CHRM3: variants seen among roughly 807,000 people sequenced by gnomAD.
The protein encoded by CHRM3 is muscarinic acetylcholine receptor M3.
CHRM3 carries 11 observed loss-of-function variants against 41.8 expected under a neutral mutation model. The ratio of observed to expected loss-of-function variants is 0.26; its 90% CI spans 0.17 to 0.44. CHRM3 has a LOEUF of 0.44. Ranked by LOEUF, CHRM3 falls within the 20% of genes least tolerant of loss-of-function variation. CHRM3 has a pLI of 1.00. For missense variants in CHRM3, 571 were observed against 745.4 expected, an observed-to-expected ratio of 0.77 and a Z score of 2.72; for synonymous variants, 297 against 301.4, an observed-to-expected ratio of 0.99 and a Z score of 0.15.
chr1:239,774,436 C>G (rs1282577180), intron 5 of CHRM3, among the ~76,000 whole-genome samples: 1 of 151,944 alleles, frequency 6.6e-6, no homozygotes, highest in Non-Finnish European at 1.5e-5. Flanking sequence ...ATTAGTCTTT[C>G]AATGTGGGGA....
intron 4 of CHRM3, among the ~76,000 whole-genome samples, chr1:239,637,107 T>G (rs1483767121): frequency 6.6e-6 from 1 of 152,180 alleles, no homozygotes; most frequent in Non-Finnish European, 1.5e-5. Context: ...TTCAAAGATT[T>G]TAATGAGAAG....
chr1:239,632,103 A>T (rs149972572), intron 3 of CHRM3, 121 bp from the exon 4 acceptor site: 12 of 152,282 alleles, frequency 7.9e-5, no homozygotes, highest in Admixed American at 7.8e-4. Context: ...CAACTCAAAA[A>T]TTCTGTAATT....
chr1:239,524,557 T>C (rs781279879), intron 2 of CHRM3, among the ~76,000 whole-genome samples: 18 of 152,178 alleles, frequency 1.2e-4, no homozygotes, highest in Non-Finnish European at 1.5e-4. Flanking sequence ...TTGTAGAGGT[T>C]TCATTGTTCT....
chr1:239,760,797 A>G (rs1337307152), intron 5 of CHRM3, among the ~76,000 whole-genome samples: 1 of 151,966 alleles, frequency 6.6e-6, no homozygotes, highest in African/African-American at 2.4e-5. Flanking sequence ...TGAAGATTGT[A>G]TTTTTATCCC....
chr1:239,897,543 A>G lies in CHRM3; in HGVS notation c.-19-9890A>G, dbSNP rs192952472. Among the ~76,000 whole-genome samples, 254 of 152,348 alleles carry G rather than the reference A, an allele frequency of 1.7e-3. 1 individual carries two copies. Among genetic ancestry groups the G allele is most frequent in the African/African-American group, 5.9e-3 (244 of 41,572 alleles). Reference sequence around the variant, plus strand: ...TCCTCCACTATAAAGGCACAGTATTAAAAACACATAATAATAAATACCTCT... The same window carrying G: ...TCCTCCACTATAAAGGCACAGTATTGAAAACACATAATAATAAATACCTCT... On this transcript the variant is annotated intron_variant, in intron 6 of 6. Coordinates refer to ENST00000676153, the MANE Select transcript of CHRM3 (RefSeq NM_001375978.1).
Position 239,436,946 on chromosome 1 carries a change from C to T in CHRM3, c.-521+49719C>T, listed in dbSNP as rs367548356. ...GGACACCTCCAGTGAGGTGATCTCT[C>T]GTGGGATTACTAACTCCAGGCCAAC... is the stretch of plus-strand genomic sequence containing the variant. On this transcript the variant is annotated intron_variant, in intron 1 of 6. Transcript: ENST00000676153. 4.6e-5 allele frequency among the ~76,000 whole-genome samples: 7 copies of T among 152,132 alleles called. 1 individual carries two copies. In the South Asian group the frequency reaches 1.2e-3, roughly 27 times the overall value.
At position 239,908,476 on chromosome 1, in the gene CHRM3, C is replaced by T. The variant is rs1402836385; in HGVS notation, c.1025C>T (p.Ala342Val). 1 of 1,610,794 alleles carries T rather than the reference C, an allele frequency of 6.2e-7. No homozygotes were observed. Among genetic ancestry groups the T allele is most frequent in the Non-Finnish European group, 8.5e-7 (1 of 1,178,396 alleles). The stretch of plus-strand genomic sequence containing the variant: ...AGTGACAGTTGGAACAACAATGATG[C>T]TGCTGCCTCCCTGGAGAACTCCGCC... ...SSSDSWNNND[A>V]AASLENSASS... The change falls in exon 7 of 7, where the codon GCT (alanine) becomes GTT (valine). Residue 342 changes from alanine to valine, a missense_variant. Coordinates refer to ENST00000676153, the MANE Select transcript of CHRM3 (RefSeq NM_001375978.1). This position sits in a 1 kb window ranked among gnomAD's most constrained non-coding sequence, Gnocchi z 7.2.
chr1:239,718,588 A>T (rs1272541400), intron 5 of CHRM3, among the ~76,000 whole-genome samples: 1 of 151,810 alleles, frequency 6.6e-6, no homozygotes, highest in Non-Finnish European at 1.5e-5. Flanking sequence ...GCAGTAAAAC[A>T]TTTTCATCAA....
At chr1:239,431,569 CTTTAA>C (rs757957113) in intron 1 of CHRM3, among the ~76,000 whole-genome samples, 9 of 152,104 alleles carry the variant, frequency 5.9e-5, no homozygotes, top group South Asian at 2.1e-4. Flanking sequence ...AAGACAAGAG[CTTTAA>C]TTTAAGTTCC....
chr1:239,568,384 CT>C (rs1661550898), intron 3 of CHRM3, among the ~76,000 whole-genome samples: 1 of 152,254 alleles, frequency 6.6e-6, no homozygotes, highest in South Asian at 2.1e-4. Flanking sequence ...AGGGGAGACC[CT>C]TTTCGCTTGC....
At chr1:239,823,068 T>C (rs943047648) in intron 5 of CHRM3, among the ~76,000 whole-genome samples, 10 of 152,160 alleles carry the variant, frequency 6.6e-5, no homozygotes, top group Admixed American at 6.5e-4. Context: ...AAACCAATGG[T>C]AGACAGTTTA....
rs1401602697 is a variant in CHRM3 at position 239,675,123 on chromosome 1, A to T, written c.-249-3063A>T. ...TCTAGAAACCTGATCTCTCAATAGC[A>T]AGTGCTTAATTAGATTGCAAATCAC... is the stretch of plus-strand genomic sequence containing the variant. On this transcript the variant is annotated intron_variant, in intron 4 of 6. Transcript: ENST00000676153. 2.6e-5 allele frequency among the ~76,000 whole-genome samples: 4 copies of T among 152,160 alleles called. No homozygotes were observed. The East Asian group carries it at 7.7e-4, about 29-fold the overall frequency.
At chr1:239,657,153 C>T (rs546192801) in intron 4 of CHRM3, among the ~76,000 whole-genome samples, 78 of 152,202 alleles carry the variant, frequency 5.1e-4, no homozygotes, top group African/African-American at 1.9e-3. Flanking sequence ...ATGTGCATAC[C>T]ATTTCAAATC....
At position 239,820,053 on chromosome 1, in the gene CHRM3, C is replaced by G. The variant is rs74743616; in HGVS notation, c.-146-7199C>G. ...TCGGTGAGAGCTCCAGGGTAATTCA[C>G]ACAACCTGTTTCCGAACCCTCAAGC... On this transcript the variant is annotated intron_variant, in intron 5 of 6. Transcript: ENST00000676153. 2.6e-3 allele frequency among the ~76,000 whole-genome samples: 401 copies of G among 152,286 alleles called. 5 individuals carry two copies. The East Asian group carries it at 0.037, about 14-fold the overall frequency.
chr1:239,413,865 G>T (rs941092297), intron 1 of CHRM3, among the ~76,000 whole-genome samples: 1 of 152,144 alleles, frequency 6.6e-6, no homozygotes, highest in South Asian at 2.1e-4. Flanking sequence ...ACAGCTAAAT[G>T]TCAGTTTGTT....
intron 1 of CHRM3, among the ~76,000 whole-genome samples, chr1:239,471,681 G>A (rs1213530898): frequency 6.6e-6 from 1 of 152,204 alleles, no homozygotes; most frequent in African/African-American, 2.4e-5. Flanking sequence ...GCCACCTGAA[G>A]AGGATCTCTG....
At chr1:239,764,756 G>T (rs1056666210) in intron 5 of CHRM3, among the ~76,000 whole-genome samples, 1 of 152,194 alleles carries the variant, frequency 6.6e-6, no homozygotes, top group African/African-American at 2.4e-5. Context: ...GCAAGAAGAG[G>T]CTATTCTCTA....
intron 4 of CHRM3, among the ~76,000 whole-genome samples, chr1:239,666,240 G>A (rs1277531056): frequency 5.9e-5 from 9 of 151,614 alleles, no homozygotes; most frequent in Non-Finnish European, 8.8e-5. Flanking sequence ...TGTCACCCAG[G>A]CTGGAGTGCA....
chr1:239,700,120 T>G (rs1258192774), intron 5 of CHRM3, among the ~76,000 whole-genome samples: 1 of 152,092 alleles, frequency 6.6e-6, no homozygotes, highest in Non-Finnish European at 1.5e-5. Flanking sequence ...ATAAAAGAAA[T>G]ACTAAGTAAC....
Sources: allele counts gnomAD v4.1 joint callset (sites outside exome capture counted in the v4.1 genomes callset), GRCh38; gene constraint gnomAD v4.1.1; non-coding constraint Gnocchi (gnomAD v3.1); transcripts MANE v1.5; gene names NCBI Gene and HGNC (gene_info 2026-07-23, HGNC 2026-07-21).